ZDHHC11B: variants seen among roughly 807,000 people sequenced by gnomAD.
ZDHHC11B encodes the protein probable palmitoyltransferase ZDHHC11B.
In ZDHHC11B, 17 loss-of-function variants were observed where a neutral mutation model predicts 42.3. The observed-to-expected ratio is 0.40, with a 90% CI of 0.27 to 0.60. The LOEUF (loss-of-function observed/expected upper bound fraction) is 0.60. Ranked by LOEUF, ZDHHC11B falls within the 20% of genes least tolerant of loss-of-function variation. ZDHHC11B has a pLI of 0.41. For synonymous variants in ZDHHC11B, 123 were observed against 193.5 expected, an observed-to-expected ratio of 0.64 and a Z score of 3.02; for missense variants, 262 against 463.2, an observed-to-expected ratio of 0.57 and a Z score of 3.99.
At chr5:714,277 A>G (rs1169556255) in intron 13 of ZDHHC11B, among the ~76,000 whole-genome samples, 6 of 138,986 alleles carry the variant, frequency 4.3e-5, no homozygotes, top group Non-Finnish European at 6.1e-5. Context: ...GATCTTTAAA[A>G]TCTACCTTAA....
intron 8 of ZDHHC11B, among the ~76,000 whole-genome samples, chr5:746,304 C>T (rs1744808606): frequency 6.8e-6 from 1 of 147,134 alleles, no homozygotes; most frequent in African/African-American, 2.5e-5. Flanking sequence ...GGGGAGCTGC[C>T]TGTGGCCAGC....
intron 12 of ZDHHC11B, among the ~76,000 whole-genome samples, chr5:729,919 T>C (rs1438888947): frequency 6.6e-6 from 1 of 150,558 alleles, no homozygotes; most frequent in African/African-American, 2.4e-5. Flanking sequence ...CAATTTTATT[T>C]CATCACGGGA....
At chr5:746,463 C>T (rs550386487) in intron 8 of ZDHHC11B, among the ~76,000 whole-genome samples, 1 of 124,564 alleles carries the variant, frequency 8.0e-6, no homozygotes, top group African/African-American at 2.5e-5. Flanking sequence ...AGGCATCCTG[C>T]CTCCTGCCCA....
At chr5:773,625 C>T (rs945327986) in intron 1 of ZDHHC11B, among the ~76,000 whole-genome samples, 1 of 151,890 alleles carries the variant, frequency 6.6e-6, no homozygotes, top group Non-Finnish European at 1.5e-5. Context: ...CTCCCACTGG[C>T]CAGCACCTCC....
chr5:767,514 G>C lies in ZDHHC11B; in HGVS notation c.-123C>G. The stretch of plus-strand genomic sequence containing the variant: ...TCGAAAGCGCAGTAGTGGCACTGGA[G>C]AGAAAGGTGACTGGGAGGAAGAGGA... On this transcript the variant is annotated 5_prime_UTR_variant, in exon 3 of 14. Coordinates refer to ENST00000508859, the MANE Select transcript of ZDHHC11B (RefSeq NM_001351303.2). The C allele has an allele frequency of 6.8e-7, 1 of 1,473,122 alleles. No individual in the cohort carries two copies. Among genetic ancestry groups the C allele is most frequent in the South Asian group, 1.2e-5 (1 of 84,138 alleles). The allele number at this position is 1,473,122 out of a possible 1,614,324, so 91.3% of individuals were successfully genotyped here.
intron 1 of ZDHHC11B, among the ~76,000 whole-genome samples, chr5:776,250 C>T (rs1736470283): frequency 6.6e-6 from 1 of 151,818 alleles, no homozygotes; most frequent in South Asian, 2.1e-4. Flanking sequence ...TGGCAAAGCT[C>T]CTGAGGGCCT....
At chr5:773,319 C>G (rs1331750224) in intron 1 of ZDHHC11B, among the ~76,000 whole-genome samples, 5 of 151,830 alleles carry the variant, frequency 3.3e-5, no homozygotes, top group African/African-American at 1.2e-4. Context: ...GGGTGCAGAC[C>G]CTCACACCAT....
intron 1 of ZDHHC11B, among the ~76,000 whole-genome samples, chr5:777,573 C>A (rs748044747): frequency 9.9e-5 from 15 of 151,954 alleles, no homozygotes; most frequent in Non-Finnish European, 1.9e-4. Context: ...TCCGGCTACC[C>A]GCTTTTATTC....
chr5:750,354 GC>G (rs1223716012), intron 7 of ZDHHC11B, among the ~76,000 whole-genome samples: 1 of 135,220 alleles, frequency 7.4e-6, no homozygotes, highest in African/African-American at 2.7e-5. Context: ...TCCCACCTCT[GC>G]GAGCTCCTGT....
At chr5:753,478 G>A (rs1361177394) in intron 6 of ZDHHC11B, among the ~76,000 whole-genome samples, 2 of 135,546 alleles carry the variant, frequency 1.5e-5, no homozygotes, top group African/African-American at 5.0e-5. Flanking sequence ...CCTGAGGAAG[G>A]CAGACCCTCT....
chr5:762,715 C>G (rs1421460971), intron 4 of ZDHHC11B, among the ~76,000 whole-genome samples: 1 of 151,616 alleles, frequency 6.6e-6, no homozygotes, highest in Admixed American at 6.6e-5. Flanking sequence ...TAAGAAAGGT[C>G]TACAATCAAT....
chr5:777,839 C>T (rs1736659081), intron 1 of ZDHHC11B, among the ~76,000 whole-genome samples: 2 of 152,008 alleles, frequency 1.3e-5, no homozygotes. Context: ...CTCCTCAGCC[C>T]TTGGGCGGTC....
intron 13 of ZDHHC11B, among the ~76,000 whole-genome samples, chr5:714,493 AT>A (rs58853046): frequency 0.24 from 23,376 of 96,140 alleles, 517 homozygotes; most frequent in African/African-American, 0.28. Flanking sequence ...AGTGGTGAAT[AT>A]TTTTTTTTTT....
chr5:719,599 C>T (rs1221623338), intron 12 of ZDHHC11B, among the ~76,000 whole-genome samples: 2 of 147,812 alleles, frequency 1.4e-5, no homozygotes, highest in Non-Finnish European at 3.0e-5. Flanking sequence ...AACTTGAAGA[C>T]AACCGAAATT....
intron 7 of ZDHHC11B, among the ~76,000 whole-genome samples, chr5:749,958 C>T (rs1201494500): frequency 2.5e-5 from 3 of 121,002 alleles, no homozygotes; most frequent in Admixed American, 9.8e-5. Context: ...GCATCAGTCA[C>T]GCTTCGAAGT....
chr5:757,386 G>T lies in ZDHHC11B; in HGVS notation c.223-1242C>A, dbSNP rs1481886095. Among the ~76,000 whole-genome samples the T allele has an allele frequency of 2.9e-4, 44 of 151,926 alleles. 1 individual carries two copies. The highest frequency in any genetic ancestry group is 9.7e-4 in the African/African-American group (40 of 41,328). On this transcript the variant is annotated intron_variant, in intron 4 of 13. Transcript: ENST00000508859. ...TAGCAGAAGGCTGCCAGCAGGGCGG[G>T]TCCTGCACCAGGCCAGGGGGCTGCT...
At chr5:714,216 CTTCT>C (rs1482006441) in intron 13 of ZDHHC11B, among the ~76,000 whole-genome samples, 2 of 133,420 alleles carry the variant, frequency 1.5e-5, no homozygotes, top group African/African-American at 3.3e-5. Context: ...CATTTCATTC[CTTCT>C]TTCTTTCCCC....
At chr5:770,150 CGG>C (rs1007439229) in intron 1 of ZDHHC11B, among the ~76,000 whole-genome samples, 1 of 148,778 alleles carries the variant, frequency 6.7e-6, no homozygotes, top group Non-Finnish European at 1.5e-5. Flanking sequence ...AGGTGTCACC[CGG>C]GCCATGTCCC....
intron 4 of ZDHHC11B, among the ~76,000 whole-genome samples, chr5:757,330 T>G (rs1477742549): frequency 3.9e-5 from 6 of 151,922 alleles, no homozygotes; most frequent in African/African-American, 1.5e-4. Context: ...AAGAAGGTGC[T>G]GGCCATGTGC....
Sources: allele counts gnomAD v4.1 joint callset (sites outside exome capture counted in the v4.1 genomes callset), GRCh38; gene constraint gnomAD v4.1.1; transcripts MANE v1.5; gene names NCBI Gene and HGNC (gene_info 2026-07-23, HGNC 2026-07-21).